The following PSD3 variants were observed in gnomAD, a reference collection of about 807,000 sequenced individuals.
The protein encoded by PSD3 is PH and SEC7 domain-containing protein 3.
Under a neutral mutation model 105.5 loss-of-function variants are expected in PSD3, and 49 were observed. That is an observed-to-expected ratio of 0.46 (90% confidence interval 0.37 to 0.59). The LOEUF is 0.59. Ranked by LOEUF, PSD3 falls within the 20% of genes least tolerant of loss-of-function variation. The pLI is 0.00. For missense variants in PSD3, 1,561 were observed against 1,263.8 expected (o/e 1.24, Z -3.57); for synonymous variants, 557 against 457.8 (o/e 1.22, Z -2.77).
chr8:18,615,207 C>T (rs1805568853), intron 11 of PSD3, among the ~76,000 whole-genome samples: 1 of 151,882 alleles, frequency 6.6e-6, no homozygotes, highest in South Asian at 2.1e-4. Flanking sequence ...TTCTGATCAC[C>T]TGCTGCACCC....
At chr8:18,856,980 G>C (rs1039585779) in intron 4 of PSD3, among the ~76,000 whole-genome samples, 1 of 152,150 alleles carries the variant, frequency 6.6e-6, no homozygotes, top group African/African-American at 2.4e-5. Flanking sequence ...TCCGACTTAA[G>C]AACCCACACT....
At chr8:18,787,420 A>G (rs953457985) in intron 8 of PSD3, among the ~76,000 whole-genome samples, 6 of 152,198 alleles carry the variant, frequency 3.9e-5, no homozygotes, top group African/African-American at 7.2e-5. Flanking sequence ...GAAGCTCTGG[A>G]TCATTACCTT....
At chr8:18,856,464 T>C (rs1168582986) in intron 4 of PSD3, among the ~76,000 whole-genome samples, 2 of 152,228 alleles carry the variant, frequency 1.3e-5, no homozygotes, top group African/African-American at 4.8e-5. Flanking sequence ...GACAGGCCTG[T>C]AGCGAAGTAT....
At chr8:18,635,270 G>A (rs1030167283) in intron 10 of PSD3, among the ~76,000 whole-genome samples, 3 of 151,984 alleles carry the variant, frequency 2.0e-5, no homozygotes, top group Admixed American at 2.0e-4. Flanking sequence ...CTTCTCCAAG[G>A]AGCCTTGGTT....
intron 4 of PSD3, chr8:18,865,273 TATATATATATA>T (rs1816825287): frequency 2.8e-3 from 11 of 3,948 alleles, no homozygotes; most frequent in Non-Finnish European, 3.9e-3. Flanking sequence ...TATATATATA[TATATATATATA>T]TATTTTTTTT....
At chr8:18,811,315 C>T (rs567914503) in intron 4 of PSD3, among the ~76,000 whole-genome samples, 125 of 152,224 alleles carry the variant, frequency 8.2e-4, no homozygotes, top group African/African-American at 2.8e-3. Context: ...CCATTTTGCT[C>T]CTGCCAGTCA....
At chr8:18,562,663 C>T (rs1420880573) in intron 14 of PSD3, among the ~76,000 whole-genome samples, 4 of 152,034 alleles carry the variant, frequency 2.6e-5, no homozygotes, top group African/African-American at 9.7e-5. Context: ...CTGAGATGGG[C>T]GGATCACTGA....
intron 9 of PSD3, among the ~76,000 whole-genome samples, chr8:18,752,832 G>A (rs955406939): frequency 1.3e-5 from 2 of 149,516 alleles, no homozygotes; most frequent in African/African-American, 5.0e-5. Context: ...GTGAAAGAAA[G>A]AGCATGGAAA....
chr8:18,838,738 C>T (rs539594542), intron 4 of PSD3, among the ~76,000 whole-genome samples: 2 of 151,080 alleles, frequency 1.3e-5, no homozygotes, highest in South Asian at 4.2e-4. Context: ...GGAGGCAGAG[C>T]TTGCAGTGAG....
chr8:18,571,332 C>T (rs1385733666), intron 14 of PSD3, among the ~76,000 whole-genome samples: 1 of 151,004 alleles, frequency 6.6e-6, no homozygotes, highest in Non-Finnish European at 1.5e-5. Context: ...GTGGTTCCTG[C>T]ATCCAGCGCT....
intron 9 of PSD3, among the ~76,000 whole-genome samples, chr8:18,656,019 T>C (rs1041466092): frequency 6.6e-6 from 1 of 152,216 alleles, no homozygotes; most frequent in Non-Finnish European, 1.5e-5. Flanking sequence ...TATGGTCTTG[T>C]AGTTTCACTC....
chr8:18,698,992 C>T (rs1241725722), intron 9 of PSD3, among the ~76,000 whole-genome samples: 1 of 152,180 alleles, frequency 6.6e-6, no homozygotes, highest in Admixed American at 6.5e-5. Context: ...TGAAACCCCA[C>T]TCAACCAGGC....
At chr8:18,966,742 CG>C (rs1198880857) in intron 1 of PSD3, among the ~76,000 whole-genome samples, 2 of 151,914 alleles carry the variant, frequency 1.3e-5, no homozygotes, top group African/African-American at 2.4e-5. Context: ...TCCGGACCAA[CG>C]GGCACATCTT....
At chr8:18,542,229 T>C (rs1800193420) in intron 15 of PSD3, among the ~76,000 whole-genome samples, 1 of 152,228 alleles carries the variant, frequency 6.6e-6, no homozygotes, top group Non-Finnish European at 1.5e-5. Context: ...ACATTTGTCT[T>C]CTAAAAGCAT....
intron 4 of PSD3, among the ~76,000 whole-genome samples, chr8:18,842,857 C>A (rs1814759885): frequency 2.0e-5 from 3 of 152,186 alleles, no homozygotes; most frequent in Admixed American, 6.5e-5. Context: ...AATGAAGCCT[C>A]ATGCAATGTT....
chr8:18,991,022 A>C (rs1039558521), intron 1 of PSD3, among the ~76,000 whole-genome samples: 1 of 152,134 alleles, frequency 6.6e-6, no homozygotes, highest in African/African-American at 2.4e-5. Context: ...CTTCAGCCCC[A>C]GGAAAGTGAA....
chr8:18,890,828 G>A (rs1818740302), intron 2 of PSD3, among the ~76,000 whole-genome samples: 1 of 151,826 alleles, frequency 6.6e-6, no homozygotes, highest in Non-Finnish European at 1.5e-5. Flanking sequence ...GGTGGGGGAG[G>A]GGGAACAAAG....
intron 2 of PSD3, among the ~76,000 whole-genome samples, chr8:18,882,765 T>A (rs1272097863): frequency 6.6e-6 from 1 of 152,114 alleles, no homozygotes; most frequent in South Asian, 2.1e-4. Context: ...CTCCATACCA[T>A]ATATAGCTAA....
At position 18,534,791 on chromosome 8, in the gene PSD3, C is replaced by T. The variant is rs533364945; in HGVS notation, c.*952G>A. On this transcript the variant is annotated 3_prime_UTR_variant, in exon 16 of 16. Coordinates refer to ENST00000327040, the MANE Select transcript of PSD3 (RefSeq NM_015310.4). ...CCTCAATATCACAACCAGGACACAA[C>T]CCCATGCCCACACACGCACACACAC... 1 of 152,634 alleles carries T rather than the reference C, an allele frequency of 6.6e-6. No individual in the cohort carries two copies. The highest frequency in any genetic ancestry group is 2.4e-5 in the African/African-American group (1 of 41,522). 9.5% of individuals were successfully genotyped at this position (152,634 alleles called of 1,614,324 possible). A position where few individuals can be genotyped will look rare whatever the true frequency, so the allele number is the denominator to read the frequency against.
Sources: allele counts gnomAD v4.1 joint callset (sites outside exome capture counted in the v4.1 genomes callset), GRCh38; gene constraint gnomAD v4.1.1; transcripts MANE v1.5; gene names NCBI Gene and HGNC (gene_info 2026-07-23, HGNC 2026-07-21).